The following TANC2 variants were observed in gnomAD, a reference collection of about 807,000 sequenced individuals.
TANC2 encodes tetratricopeptide repeat, ankyrin repeat and coiled-coil containing 2, also known as protein TANC2.
A neutral mutation model predicts 210.5 loss-of-function variants in TANC2; 26 were observed. The observed-to-expected ratio is 0.12, with a 90% CI of 0.09 to 0.17. The LOEUF (loss-of-function observed/expected upper bound fraction) is 0.17. TANC2 is among the 10% of genes least tolerant of loss of function. The pLI is 1.00. For missense variants in TANC2, 2,129 were observed against 2,608.9 expected (o/e 0.82, Z 4.01); for synonymous variants, 931 against 967.1 (o/e 0.96, Z 0.69).
chr17:63,254,659 A>G (rs768189912), intron 8 of TANC2, among the ~76,000 whole-genome samples: 2 of 152,076 alleles, frequency 1.3e-5, no homozygotes, highest in Non-Finnish European at 2.9e-5. Context: ...TTCTGTACCC[A>G]GTTTTTTTAG....
intron 5 of TANC2, among the ~76,000 whole-genome samples, chr17:63,183,580 G>A (rs1349877836): frequency 6.6e-6 from 1 of 152,174 alleles, no homozygotes; most frequent in African/African-American, 2.4e-5. Flanking sequence ...TTATTCGAGT[G>A]ATGGGTACAC....
At chr17:63,301,398 C>T (rs2146491776) in intron 9 of TANC2, among the ~76,000 whole-genome samples, 1 of 152,208 alleles carries the variant, frequency 6.6e-6, no homozygotes, top group African/African-American at 2.4e-5. Flanking sequence ...GCTGTGAATC[C>T]ATCTGGTCCT....
intron 11 of TANC2, among the ~76,000 whole-genome samples, chr17:63,328,566 T>C (rs2045732073): frequency 6.6e-6 from 1 of 151,880 alleles, no homozygotes; most frequent in Admixed American, 6.6e-5. Context: ...CTTTCTTATA[T>C]GTGGAATCTA....
chr17:63,212,030 GC>G (rs1237316451), intron 7 of TANC2, among the ~76,000 whole-genome samples: 2 of 151,904 alleles, frequency 1.3e-5, no homozygotes, highest in Non-Finnish European at 2.9e-5. Context: ...CCCTCCTCCA[GC>G]CCCCCACCCC....
chr17:63,045,677 A>T (rs1185749097), intron 2 of TANC2, among the ~76,000 whole-genome samples: 1 of 152,054 alleles, frequency 6.6e-6, no homozygotes, highest in Non-Finnish European at 1.5e-5. Context: ...TTGTTGTTGA[A>T]TACCCTTTTC....
At chr17:63,049,881 T>C (rs796274755) in intron 2 of TANC2, among the ~76,000 whole-genome samples, 7 of 152,154 alleles carry the variant, frequency 4.6e-5, no homozygotes, top group African/African-American at 1.7e-4. Flanking sequence ...CATTTACTGT[T>C]GGATTGTATG....
Position 63,381,592 on chromosome 17 carries a change from C to T in TANC2, c.2691+1766C>T, listed in dbSNP as rs147063051. 1.1e-3 allele frequency: 160 copies of T among 152,230 alleles called. 1 individual carries two copies. Among genetic ancestry groups the T allele is most frequent in the African/African-American group, 3.3e-3 (136 of 41,550 alleles). 9.4% of individuals were successfully genotyped at this position (152,230 alleles called of 1,614,324 possible). ...CACACAATCCAATGGGTACTTTTTT[C>T]CAATTAATTTTACATTTCTCTGGTT... On this transcript the variant is annotated intron_variant, in intron 15 of 27. Transcript: ENST00000689528.
exon 5 of TANC2, chr17:63,151,306 G>C: frequency 1.0e-6 from 1 of 985,580 alleles, no homozygotes; most frequent in Non-Finnish European, 1.2e-6. Context: ...GAGAGCCCAC[G>C]AATTCCAGAA....
At chr17:63,305,276 T>C (rs1229862739) in intron 9 of TANC2, 1 of 152,260 alleles carries the variant, frequency 6.6e-6, no homozygotes, top group East Asian at 1.9e-4. Flanking sequence ...TTTCCCAGGC[T>C]GGGTAGCGTA....
chr17:63,070,733 G>T (rs937123732), intron 2 of TANC2, among the ~76,000 whole-genome samples: 2 of 152,084 alleles, frequency 1.3e-5, no homozygotes, highest in African/African-American at 4.8e-5. Context: ...GAAAATTTTA[G>T]TGTCCATAAA....
chr17:63,032,438 C>T (rs1410900558), intron 2 of TANC2, among the ~76,000 whole-genome samples: 1 of 151,942 alleles, frequency 6.6e-6, no homozygotes, highest in Non-Finnish European at 1.5e-5. Context: ...AAGGGCACTT[C>T]CCAGAAAGGG....
chr17:63,379,475 G>A (rs1454936621), intron 14 of TANC2, among the ~76,000 whole-genome samples: 1 of 152,126 alleles, frequency 6.6e-6, no homozygotes, highest in Admixed American at 6.5e-5. Context: ...TTCGAGACCA[G>A]CCTGGCCAAC....
chr17:63,393,921 CCACCACACCCA>C (rs1003244554), intron 17 of TANC2, among the ~76,000 whole-genome samples: 2 of 152,006 alleles, frequency 1.3e-5, no homozygotes, highest in African/African-American at 4.8e-5. Flanking sequence ...CAGGCACCCA[CCACCACACCCA>C]GCTAATTTTT....
At chr17:63,050,509 A>G (rs1184526556) in intron 2 of TANC2, among the ~76,000 whole-genome samples, 2 of 152,214 alleles carry the variant, frequency 1.3e-5, no homozygotes, top group Admixed American at 6.5e-5. Context: ...GAGCTAACCA[A>G]TGGAATATAT....
At chr17:63,227,125 G>A (rs1355236687) in intron 7 of TANC2, among the ~76,000 whole-genome samples, 1 of 152,086 alleles carries the variant, frequency 6.6e-6, no homozygotes, top group Non-Finnish European at 1.5e-5. Flanking sequence ...CCCAGTAATA[G>A]GATTGCTGGG....
intron 5 of TANC2, among the ~76,000 whole-genome samples, chr17:63,175,828 G>A (rs959540476): frequency 6.6e-6 from 1 of 152,106 alleles, no homozygotes; most frequent in African/African-American, 2.4e-5. Flanking sequence ...GAAGACAACT[G>A]AATTTTTTTT....
intron 14 of TANC2, among the ~76,000 whole-genome samples, chr17:63,371,465 T>G (rs928030866): frequency 9.3e-5 from 13 of 139,730 alleles, no homozygotes; most frequent in African/African-American, 3.5e-4. Context: ...AAATTCCGTC[T>G]CAAAAAAAAA....
intron 9 of TANC2, among the ~76,000 whole-genome samples, chr17:63,310,704 A>T (rs898988409): frequency 6.6e-6 from 1 of 152,210 alleles, no homozygotes; most frequent in African/African-American, 2.4e-5. Flanking sequence ...CACACACATA[A>T]ATTACTTTTC....
intron 5 of TANC2, among the ~76,000 whole-genome samples, chr17:63,174,846 T>C (rs368508030): frequency 6.6e-6 from 1 of 152,198 alleles, no homozygotes; most frequent in African/African-American, 2.4e-5. Context: ...CAAAGAACCA[T>C]TGGAAAATTA....
Sources: allele counts gnomAD v4.1 joint callset (sites outside exome capture counted in the v4.1 genomes callset), GRCh38; gene constraint gnomAD v4.1.1; transcripts MANE v1.5; gene names NCBI Gene and HGNC (gene_info 2026-07-23, HGNC 2026-07-21).